PLSCR3: variants seen among roughly 807,000 people sequenced by gnomAD.
PLSCR3 encodes the protein phospholipid scramblase 3.
A neutral mutation model predicts 33.7 loss-of-function variants in PLSCR3; 17 were observed. The ratio of observed to expected loss-of-function variants is 0.50; its 90% confidence interval spans 0.35 to 0.76. The LOEUF (loss-of-function observed/expected upper bound fraction) is 0.76. Among genes scored for constraint, PLSCR3 ranks in the 30% least tolerant of loss-of-function variants. PLSCR3 has a pLI of 0.01. For synonymous variants in PLSCR3, 166 were observed against 166.0 expected (o/e 1.00, Z 0.00); for missense variants, 360 against 394.1 (o/e 0.91, Z 0.73).
At chr17:7,390,952 G>C (rs959458352) in intron 6 of PLSCR3, among the ~76,000 whole-genome samples, 157 bp from the exon 7 acceptor site, 2 of 152,058 alleles carry the variant, frequency 1.3e-5, no homozygotes, top group Admixed American at 1.3e-4. Context: ...TTCCTAACTG[G>C]TTCCCATCAC....
In PLSCR3 at chr17:7,394,030, G is replaced by T; in HGVS notation, c.7+74C>A. 6.5e-7 allele frequency: 1 copy of T among 1,548,606 alleles called. No individual in the cohort carries two copies. Reference sequence around the variant, plus strand: ...ACCCAGCCAGTCCGAGCACATTCCGGGAGGATGTGTTCAAACCCGGCTCCC... The same window carrying T: ...ACCCAGCCAGTCCGAGCACATTCCGTGAGGATGTGTTCAAACCCGGCTCCC... On this transcript the variant is annotated intron_variant, in intron 2 of 7. Transcript: ENST00000619711. The surrounding 1 kb of genome is among the most constrained non-coding windows in gnomAD (Gnocchi z 5.3).
chr17:7,390,531 C>A, intron 7 of PLSCR3, 90 bp from the exon 8 acceptor site: 1 of 1,565,608 alleles, frequency 6.4e-7, no homozygotes, highest in Non-Finnish European at 8.8e-7. Flanking sequence ...ACCCCCACAA[C>A]ACCTATTCCT....
In PLSCR3 at chr17:7,390,111, G is replaced by GGA; in HGVS notation, c.*272_*273dup. ...GGAGCAGAGGCCCTGGAAGGGGGTG[G>GGA]GAGAGAGTGCATGGGGAAAGTGTGA... On this transcript the variant is annotated 3_prime_UTR_variant, in exon 8 of 8. Coordinates refer to ENST00000619711, the MANE Select transcript of PLSCR3 (RefSeq NM_020360.4). The GGA allele has an allele frequency of 2.7e-6, 1 of 373,974 alleles. No individual in the cohort carries two copies. Among genetic ancestry groups the GGA allele is most frequent in the Non-Finnish European group, 4.9e-6 (1 of 204,382 alleles). The allele number at this position is 373,974 out of a possible 1,614,324, so 23.2% of individuals were successfully genotyped here. A position where few individuals can be genotyped will look rare whatever the true frequency, so the allele number is the denominator to read the frequency against.
chr17:7,393,526 G>T lies in PLSCR3; in HGVS notation c.244-17C>A. 1.2e-6 allele frequency: 2 copies of T among 1,614,074 alleles called. No individual in the cohort carries two copies. Among genetic ancestry groups the T allele is most frequent in the South Asian group, 2.2e-5 (2 of 91,088 alleles). On this transcript the variant is annotated splice_polypyrimidine_tract_variant and intron_variant, in intron 3 of 7. Coordinates refer to ENST00000619711, the MANE Select transcript of PLSCR3 (RefSeq NM_020360.4). ...CTGATCAATCTGGAAAGAGAGGGGC[G>T]GCGCGCACATCAGCTGGCCCATCTG...
chr17:7,390,809 G>C lies in PLSCR3; in HGVS notation c.670-14C>G. The C allele has an allele frequency of 6.2e-7, 1 of 1,613,646 alleles. No individual in the cohort carries two copies. Among genetic ancestry groups the C allele is most frequent in the South Asian group, 1.1e-5 (1 of 91,080 alleles). On this transcript the variant is annotated splice_polypyrimidine_tract_variant and intron_variant, in intron 6 of 7. Coordinates refer to ENST00000619711, the MANE Select transcript of PLSCR3 (RefSeq NM_020360.4). Reference sequence around the variant, plus strand: ...CCGAGTCTTCACCTGTCATCAGGGAGGGAGAAAGGACCCAGCTGAGGAGGA... The same window carrying C: ...CCGAGTCTTCACCTGTCATCAGGGACGGAGAAAGGACCCAGCTGAGGAGGA...
rs1459292386 is a variant in PLSCR3, at chr17:7,393,782, G to T, written c.62C>A (p.Thr21Asn). The change falls in exon 3 of 8, where the codon ACC (threonine) becomes AAC (asparagine). Residue 21 changes from threonine to asparagine, a missense_variant. Coordinates refer to ENST00000619711, the MANE Select transcript of PLSCR3 (RefSeq NM_020360.4). ...TAGCGCCGGCTCCGGGTACCCAGGG[G>T]TGACAGGGTAGGGAGGTGGGGGCGA... ...APSPPPPYPV[T>N]PGYPEPALHP... The T allele has an allele frequency of 1.3e-6, 2 of 1,508,756 alleles. No homozygotes were observed. Among genetic ancestry groups the T allele is most frequent in the Admixed American group, 5.0e-5 (2 of 39,730 alleles). The allele number at this position is 1,508,756 out of a possible 1,614,324, so 93.5% of individuals were successfully genotyped here.
At chr17:7,390,465 G>A in intron 7 of PLSCR3, 24 bp from the exon 8 acceptor site, 9 of 1,588,918 alleles carry the variant, frequency 5.7e-6, no homozygotes, top group Non-Finnish European at 7.7e-6. Flanking sequence ...ACTGTCAATG[G>A]GAGATCCGGC....
rs1597689507 is a variant in PLSCR3 at position 7,390,174 on chromosome 17, A to G, written c.*211T>C. ...CTGTGTGCCGAGGGACTGCTGGGAC[A>G]GTGGTGGGAGGTAGCAGGAGAGCGG... On this transcript the variant is annotated 3_prime_UTR_variant, in exon 8 of 8. Coordinates refer to ENST00000619711, the MANE Select transcript of PLSCR3 (RefSeq NM_020360.4). 1.2e-5 allele frequency: 6 copies of G among 520,536 alleles called. No individual in the cohort carries two copies. The East Asian group carries it at 1.5e-4, about 13-fold the overall frequency. The allele number at this position is 520,536 out of a possible 1,614,324, so 32.2% of individuals were successfully genotyped here.
Position 7,394,106 on chromosome 17 carries a change from G to C in PLSCR3, c.5C>G (p.Ala2Gly). The change falls in exon 2 of 8, where the codon GCA becomes GGA. Residue 2 changes from alanine (A) to glycine (G), a missense_variant and splice_region_variant. Coordinates refer to ENST00000619711, the MANE Select transcript of PLSCR3 (RefSeq NM_020360.4). The surrounding 1 kb of genome is among the most constrained non-coding windows in gnomAD (Gnocchi z 5.3). ...CCCCCAGACTTGCGCGCACTTACCTGCCATGGGAGAAGGGCTGGGGTTTTC... is the reference window on the plus strand; with the variant it reads ...CCCCCAGACTTGCGCGCACTTACCTCCCATGGGAGAAGGGCTGGGGTTTTC... M[A>G]GYLPPKGYAP... 1 of 1,613,390 alleles carries C rather than the reference G, an allele frequency of 6.2e-7. No homozygotes were observed.
At chr17:7,390,541 T>G in intron 7 of PLSCR3, 93 bp downstream of exon 7, 1 of 1,577,198 alleles carries the variant, frequency 6.3e-7, no homozygotes, top group Non-Finnish European at 8.7e-7. Flanking sequence ...CACCTATTCC[T>G]GACTTTCCCC....
Position 7,390,714 on chromosome 17 carries a change from C to G in PLSCR3, c.751G>C (p.Ala251Pro), listed in dbSNP as rs1352693630. 11 of 1,614,088 alleles carry G rather than the reference C, an allele frequency of 6.8e-6. No individual in the cohort carries two copies. Among genetic ancestry groups the G allele is most frequent in the African/African-American group, 1.3e-5 (1 of 74,938 alleles). ...GGLVREALTD[A>P]DDFGLQFPLD... ...GGGAACTGTAGGCCAAAGTCATCTG[C>G]ATCTGTGAGGGCTTCTCGGACCAGG... Residue 251 changes from alanine (A) to proline (P), a missense_variant, in exon 7 of 8, where the codon GCA becomes CCA. Transcript: ENST00000619711.
intron 6 of PLSCR3, among the ~76,000 whole-genome samples, chr17:7,392,505 G>A (rs922116535): frequency 1.3e-5 from 2 of 152,140 alleles, no homozygotes; most frequent in Admixed American, 6.5e-5. Flanking sequence ...AGACTTAATC[G>A]TCCTTCACCC....
rs1250070768 is a variant in PLSCR3 at position 7,394,074 on chromosome 17, A to G, written c.7+30T>C. The G allele has an allele frequency of 2.5e-6, 4 of 1,611,062 alleles. No homozygotes were observed. Among genetic ancestry groups the G allele is most frequent in the Admixed American group, 3.4e-5 (2 of 59,686 alleles). On this transcript the variant is annotated intron_variant, in intron 2 of 7. Transcript: ENST00000619711. This position sits in a 1 kb window ranked among gnomAD's most constrained non-coding sequence, Gnocchi z 5.3. ...GGCTCCCAAGTCCGTGGGGGGGATA[A>G]CGGAGACCCCCAGACTTGCGCGCAC...
In PLSCR3 at chr17:7,390,630, T is replaced by A; in HGVS notation, c.831+4A>T. ...GGAGGTGGGGGCAGGGGCAGCCAAC[T>A]CACAATGAGGAATGTGGCTCCCAGC... On this transcript the variant is annotated splice_donor_region_variant and intron_variant, in intron 7 of 7. Transcript: ENST00000619711. 2 of 1,613,812 alleles carry A rather than the reference T, an allele frequency of 1.2e-6. No individual in the cohort carries two copies. Among genetic ancestry groups the A allele is most frequent in the Non-Finnish European group, 1.7e-6 (2 of 1,179,752 alleles).
Position 7,390,227 on chromosome 17 carries a change from C to T in PLSCR3, c.*158G>A, listed in dbSNP as rs998536618. On this transcript the variant is annotated 3_prime_UTR_variant, in exon 8 of 8. Coordinates refer to ENST00000619711, the MANE Select transcript of PLSCR3 (RefSeq NM_020360.4). Reference sequence around the variant, plus strand: ...CTCATACATACCCCTCCTTGGGAACCACAGGGGCAGGCGGCCAGGGAGTAG... The same window carrying T: ...CTCATACATACCCCTCCTTGGGAACTACAGGGGCAGGCGGCCAGGGAGTAG... 6 of 577,608 alleles carry T rather than the reference C, an allele frequency of 1.0e-5. No individual in the cohort carries two copies. The highest frequency in any genetic ancestry group is 1.8e-5 in the Non-Finnish European group (6 of 325,638). 35.8% of individuals were successfully genotyped at this position (577,608 alleles called of 1,614,324 possible).
Position 7,393,592 on chromosome 17 carries a change from C to G in PLSCR3, c.243+9G>C, listed in dbSNP as rs368081936. ...TCCCAGTCATCCTCCCTCCCTCCTTCCCACTCACCTGCACCAGGAATTCGA... is the reference window on the plus strand; with the variant it reads ...TCCCAGTCATCCTCCCTCCCTCCTTGCCACTCACCTGCACCAGGAATTCGA... On this transcript the variant is annotated intron_variant, in intron 3 of 7. Transcript: ENST00000619711. 128 of 1,613,416 alleles carry G rather than the reference C, an allele frequency of 7.9e-5. 2 individuals are homozygous for G. In the East Asian group the frequency reaches 1.5e-3, roughly 19 times the overall value.
In PLSCR3 at chr17:7,393,693, G is replaced by A. The variant is rs908648200; in HGVS notation, c.151C>T (p.Leu51Phe). Residue 51 changes from leucine to phenylalanine, a missense_variant, in exon 3 of 8, where the codon CTC becomes TTC. Physicochemically the swap from Leu to Phe is conservative, Grantham distance 22. Transcript: ENST00000619711. ...QVPAPAPGFA[L>F]FPSPGPVALG... is the part of the protein sequence containing the mutation. ...GCCACGGGGCCAGGCGAGGGGAAGAGGGCGAAGCCGGGAGCTGGGGCAGGT... is the reference window on the plus strand; with the variant it reads ...GCCACGGGGCCAGGCGAGGGGAAGAAGGCGAAGCCGGGAGCTGGGGCAGGT... The A allele has an allele frequency of 1.3e-6, 2 of 1,568,568 alleles. No homozygotes were observed. Among genetic ancestry groups the A allele is most frequent in the African/African-American group, 2.7e-5 (2 of 73,226 alleles).
chr17:7,394,232 G>A lies in PLSCR3; in HGVS notation c.-122C>T, dbSNP rs953837021. ...GACACAAAGACGGAGAGGCAGCTGCGCCCGGCGCCGGCCCAGGGTCTCTTG... is the reference window on the plus strand; with the variant it reads ...GACACAAAGACGGAGAGGCAGCTGCACCCGGCGCCGGCCCAGGGTCTCTTG... On this transcript the variant is annotated 5_prime_UTR_variant, in exon 2 of 8. Coordinates refer to ENST00000619711, the MANE Select transcript of PLSCR3 (RefSeq NM_020360.4). The surrounding 1 kb of genome is among the most constrained non-coding windows in gnomAD (Gnocchi z 5.3). 3.3e-6 allele frequency: 3 copies of A among 921,862 alleles called. No homozygotes were observed. In the African/African-American group the frequency reaches 4.9e-5, roughly 15 times the overall value. The allele number at this position is 921,862 out of a possible 1,614,324, so 57.1% of individuals were successfully genotyped here.
At position 7,392,791 on chromosome 17, in the gene PLSCR3, C is replaced by T. The variant is rs1905821048; in HGVS notation, c.669G>A (p.Glu223=). The T allele has an allele frequency of 6.2e-7, 1 of 1,613,734 alleles. No individual in the cohort carries two copies. Among genetic ancestry groups the T allele is most frequent in the Admixed American group, 1.7e-5 (1 of 60,008 alleles). Residue 223 remains glutamate, a splice_region_variant and synonymous_variant, in exon 6 of 8, where the codon GAG becomes GAA. Coordinates refer to ENST00000619711, the MANE Select transcript of PLSCR3 (RefSeq NM_020360.4). ...TCGCGTDTNF[E]VKTRDESRSV... ...CAAGAGCCTCTAGTATTCCTGATAC[C>T]TCAAAGTTGGTGTCTGTGCCACAGC... is the stretch of plus-strand genomic sequence containing the variant.
Sources: gnomAD v4.1 joint callset for allele counts (sites outside exome capture counted in the v4.1 genomes callset) on GRCh38, gnomAD v4.1.1 for gene constraint, Gnocchi (gnomAD v3.1) non-coding constraint, MANE v1.5 for transcripts, NCBI Gene and HGNC (gene_info 2026-07-23, HGNC 2026-07-21) for gene names.